Variants in ARHGAP44 observed in about 807,000 individuals in gnomAD.
ARHGAP44 encodes the protein rho GTPase-activating protein 44.
ARHGAP44 carries 43 observed loss-of-function variants against 106.8 expected under a neutral mutation model. That is an observed-to-expected ratio of 0.40 (90% confidence interval 0.32 to 0.52). The LOEUF is 0.52. ARHGAP44 is among the 20% of genes least tolerant of loss of function. ARHGAP44 has a pLI of 0.48. For synonymous variants in ARHGAP44, 439 were observed against 410.3 expected, an observed-to-expected ratio of 1.07 and a Z score of -0.85; for missense variants, 866 against 1,050.5, an observed-to-expected ratio of 0.82 and a Z score of 2.43.
intron 3 of ARHGAP44, among the ~76,000 whole-genome samples, chr17:12,907,909 A>G (rs2037603862): frequency 6.6e-6 from 1 of 152,116 alleles, no homozygotes; most frequent in Non-Finnish European, 1.5e-5. Context: ...GTGCTGCACC[A>G]GTTTAAACAT....
At chr17:12,923,158 C>A (rs1233661669) in intron 6 of ARHGAP44, among the ~76,000 whole-genome samples, 1 of 152,038 alleles carries the variant, frequency 6.6e-6, no homozygotes, top group Non-Finnish European at 1.5e-5. Context: ...TTTTCATAGC[C>A]CACTTTGTGC....
chr17:12,872,943 T>C (rs897340188), intron 1 of ARHGAP44, among the ~76,000 whole-genome samples: 3 of 152,228 alleles, frequency 2.0e-5, no homozygotes, highest in African/African-American at 7.2e-5. Context: ...GGTAACATTG[T>C]TTTGAAAACG....
At chr17:12,845,273 G>A (rs933674617) in intron 1 of ARHGAP44, among the ~76,000 whole-genome samples, 1 of 152,018 alleles carries the variant, frequency 6.6e-6, no homozygotes, top group East Asian at 1.9e-4. Flanking sequence ...ACTTTGGGAG[G>A]CTGAGGTGGG....
At chr17:12,987,169 C>T in intron 20 of ARHGAP44, 1 of 1,530,272 alleles carries the variant, frequency 6.5e-7, no homozygotes. Context: ...TGGCCCCGGC[C>T]TCGCCCCTCC....
intron 1 of ARHGAP44, among the ~76,000 whole-genome samples, chr17:12,845,523 C>CAAACAA (rs1555546604): frequency 1.2e-4 from 17 of 141,040 alleles, no homozygotes; most frequent in African/African-American, 4.2e-4. Context: ...AAAAAAAAAA[C>CAAACAA]AAAAAAACAA....
chr17:12,870,844 C>T (rs1207698571), intron 1 of ARHGAP44, among the ~76,000 whole-genome samples: 1 of 152,096 alleles, frequency 6.6e-6, no homozygotes, highest in East Asian at 1.9e-4. Context: ...TTTAAAACTC[C>T]CTGCAGTTAG....
rs1182071321 is a variant in ARHGAP44 at position 12,985,045 on chromosome 17, T to C, written c.2317+137T>C. The C allele has an allele frequency of 6.1e-5, 68 of 1,123,140 alleles. No individual in the cohort carries two copies. In the East Asian group the frequency reaches 1.7e-3, roughly 28 times the overall value. The allele number at this position is 1,123,140 out of a possible 1,614,324, so 69.6% of individuals were successfully genotyped here. On this transcript the variant is annotated intron_variant, in intron 20 of 20. Transcript: ENST00000379672. ...TGACTGGGCTGGCACCAGGGGTAGC[T>C]CATAAGATCTCCTTAGAAGCCCACC...
chr17:12,919,791 T>C lies in ARHGAP44; in HGVS notation c.424T>C (p.Leu142=). 1 of 1,613,418 alleles carries C rather than the reference T, an allele frequency of 6.2e-7. No homozygotes were observed. Among genetic ancestry groups the C allele is most frequent in the Non-Finnish European group, 8.5e-7 (1 of 1,179,672 alleles). ...AAATATTCAAAAGCAGAGGAAACAC[T>C]TAGCCAAGTTGGTGCTGGACATGGA... ...IPNIQKQRKH[L]AKLVLDMDSS... is the part of the protein sequence containing the mutation. Residue 142 remains leucine, a synonymous_variant, in exon 6 of 21, where the codon TTA becomes CTA. Coordinates refer to ENST00000379672, the MANE Select transcript of ARHGAP44 (RefSeq NM_014859.6).
chr17:12,878,684 C>G (rs2036630159), intron 1 of ARHGAP44, among the ~76,000 whole-genome samples: 1 of 152,180 alleles, frequency 6.6e-6, no homozygotes, highest in Admixed American at 6.5e-5. Context: ...CACTAATGCT[C>G]TGCTGAAGTG....
At chr17:12,870,048 C>CTTTTTTTTTTTTTTTTTTTTTTT (rs3074688) in intron 1 of ARHGAP44, among the ~76,000 whole-genome samples, 1 of 113,098 alleles carries the variant, frequency 8.8e-6, no homozygotes, top group Non-Finnish European at 1.7e-5. Flanking sequence ...CAAATACCGT[C>CTTTTTTTTTTTTTTTTTTTTTTT]TTTTTTTTTT....
intron 7 of ARHGAP44, among the ~76,000 whole-genome samples, chr17:12,937,175 C>T (rs899867429): frequency 2.6e-5 from 4 of 152,212 alleles, no homozygotes; most frequent in East Asian, 1.9e-4. Context: ...AGGGGGTTGG[C>T]GTTGAGTATT....
In ARHGAP44 at chr17:12,882,578, G is replaced by A. The variant is rs112336521; in HGVS notation, c.54-12362G>A. Among the ~76,000 whole-genome samples the A allele has an allele frequency of 1.1e-3, 173 of 152,186 alleles. 2 individuals carry two copies. Among genetic ancestry groups the A allele is most frequent in the African/African-American group, 2.9e-3 (119 of 41,558 alleles). ...AGGGCATGTTTTTAACATGTTTCCAGTAAGAATAATGTTTTATAGGTGCTT... is the reference window on the plus strand; with the variant it reads ...AGGGCATGTTTTTAACATGTTTCCAATAAGAATAATGTTTTATAGGTGCTT... On this transcript the variant is annotated intron_variant, in intron 1 of 20. Coordinates refer to ENST00000379672, the MANE Select transcript of ARHGAP44 (RefSeq NM_014859.6).
At chr17:12,930,807 A>T (rs1008715482) in intron 7 of ARHGAP44, among the ~76,000 whole-genome samples, 2 of 152,220 alleles carry the variant, frequency 1.3e-5, no homozygotes, top group African/African-American at 4.8e-5. Flanking sequence ...ACAAAAATAT[A>T]TAAAGAAAAA....
intron 17 of ARHGAP44, chr17:12,973,561 G>C: frequency 1.8e-6 from 1 of 556,996 alleles, no homozygotes; most frequent in South Asian, 2.5e-5. Context: ...CTTGGCCAGG[G>C]TCCCAGCAGT....
intron 1 of ARHGAP44, among the ~76,000 whole-genome samples, chr17:12,882,773 A>G (rs1222405020): frequency 6.6e-6 from 1 of 152,094 alleles, no homozygotes; most frequent in Non-Finnish European, 1.5e-5. Flanking sequence ...TACATTCTCT[A>G]GTAATTAATC....
chr17:12,920,720 C>A (rs1281047944), intron 6 of ARHGAP44, among the ~76,000 whole-genome samples: 1 of 152,316 alleles, frequency 6.6e-6, no homozygotes, highest in East Asian at 1.9e-4. Flanking sequence ...GACTCACTCA[C>A]CTTTTCCTGA....
intron 1 of ARHGAP44, among the ~76,000 whole-genome samples, chr17:12,824,595 C>G (rs2034865872): frequency 6.6e-6 from 1 of 152,060 alleles, no homozygotes; most frequent in Admixed American, 6.6e-5. Context: ...TACTCTGGCC[C>G]TCTTCCACTT....
At chr17:12,962,337 C>A (rs2039283356) in intron 16 of ARHGAP44, among the ~76,000 whole-genome samples, 1 of 152,100 alleles carries the variant, frequency 6.6e-6, no homozygotes, top group African/African-American at 2.4e-5. Context: ...TTTAGCAGGG[C>A]TTGGTGACCA....
intron 20 of ARHGAP44, chr17:12,986,826 G>T (rs2039972316): frequency 5.4e-6 from 2 of 370,804 alleles, no homozygotes; most frequent in Non-Finnish European, 4.8e-6. Flanking sequence ...GAAGCGGAGT[G>T]GCTCATGTTC....
Sources: gnomAD v4.1 joint callset for allele counts (sites outside exome capture counted in the v4.1 genomes callset) on GRCh38, gnomAD v4.1.1 for gene constraint, MANE v1.5 for transcripts, NCBI Gene and HGNC (gene_info 2026-07-23, HGNC 2026-07-21) for gene names.